The following MID2 variants were observed in gnomAD, a reference collection of about 807,000 sequenced individuals.
MID2 encodes probable E3 ubiquitin-protein ligase MID2.
Under a neutral mutation model 46.1 loss-of-function variants are expected in MID2, and 13 were observed. That is an observed-to-expected ratio of 0.28 (90% CI 0.18 to 0.45). The LOEUF is 0.45. MID2 is among the 20% of genes least tolerant of loss of function. MID2 has a pLI of 1.00. For synonymous variants in MID2, 199 were observed against 212.3 expected (o/e 0.94, Z 0.55); for missense variants, 431 against 575.4 (o/e 0.75, Z 2.57).
chrX:107,888,010 T>G (rs1330106617), intron 3 of MID2, among the ~76,000 whole-genome samples: 6 of 112,003 alleles, frequency 5.4e-5, no homozygotes, highest in Non-Finnish European at 1.1e-4. Context: ...TTGATTCTTC[T>G]CTCTTTTCTT....
At chrX:107,866,643 A>G (rs933720460) in intron 3 of MID2, among the ~76,000 whole-genome samples, 3 of 112,113 alleles carry the variant, frequency 2.7e-5, no homozygotes, top group African/African-American at 9.7e-5. Context: ...ATATAGTAGC[A>G]GGTGTATTAA....
intron 3 of MID2, among the ~76,000 whole-genome samples, chrX:107,891,107 G>A (rs878896646): frequency 2.6e-4 from 28 of 109,669 alleles, no homozygotes; most frequent in East Asian, 8.7e-4. Context: ...CGCTCGGTGC[G>A]CTGCACCCAC....
At chrX:107,843,048 C>T (rs1274555028) in intron 2 of MID2, among the ~76,000 whole-genome samples, 3 of 112,026 alleles carry the variant, frequency 2.7e-5, no homozygotes, top group Non-Finnish European at 5.6e-5. Context: ...CACAACTGTA[C>T]ATTTCGTGGT....
chrX:107,920,062 G>A (rs1474399765), intron 7 of MID2, among the ~76,000 whole-genome samples: 1 of 111,923 alleles, frequency 8.9e-6, no homozygotes, highest in African/African-American at 3.2e-5. Context: ...ACAAGGACAA[G>A]GGCAGAGGCC....
chrX:107,904,105 C>G, intron 4 of MID2, 40 bp downstream of exon 4: 1 of 916,917 alleles, frequency 1.1e-6, no homozygotes, highest in Non-Finnish European at 1.6e-6. Flanking sequence ...GAAGGGTTGA[C>G]TTTACAAATA....
chrX:107,909,770 G>T (rs759526413), intron 5 of MID2, among the ~76,000 whole-genome samples: 2 of 112,661 alleles, frequency 1.8e-5, no homozygotes, highest in African/African-American at 6.4e-5. Context: ...TGACTTCATT[G>T]TCTCCTGGCT....
chrX:107,917,446 T>A, intron 6 of MID2, 60 bp from the exon 7 acceptor site: 1 of 924,365 alleles, frequency 1.1e-6, no homozygotes, highest in Middle Eastern at 3.1e-4. Flanking sequence ...GAGTAACAAT[T>A]GTAAAATTCC....
chrX:107,903,492 A>G (rs73533434), intron 3 of MID2, among the ~76,000 whole-genome samples: 2 of 112,261 alleles, frequency 1.8e-5, no homozygotes, highest in African/African-American at 3.2e-5. Context: ...GTTTAATGAT[A>G]TATTTAATGT....
rs746049126 is a variant in MID2, at chrX:107,929,510, A to G, written c.*2437A>G. Among the ~76,000 whole-genome samples the G allele has an allele frequency of 8.9e-6, 1 of 111,932 alleles. No individual in the cohort carries two copies. Among genetic ancestry groups the G allele is most frequent in the Non-Finnish European group, 1.9e-5 (1 of 53,123 alleles). ...GTTATTCTCTGGGCCTGCAGCAGAA[A>G]CATGATTAACAATTTTAATGCCCAG... is the stretch of plus-strand genomic sequence containing the variant. On this transcript the variant is annotated 3_prime_UTR_variant, in exon 10 of 10. Transcript: ENST00000262843.
intron 7 of MID2, among the ~76,000 whole-genome samples, chrX:107,922,968 A>G (rs1933099230): frequency 8.9e-6 from 1 of 111,833 alleles, no homozygotes. Flanking sequence ...GGCCTCAAAC[A>G]TTGCTCCTAC....
intron 5 of MID2, among the ~76,000 whole-genome samples, chrX:107,914,022 A>G (rs752609997): frequency 8.9e-6 from 1 of 112,322 alleles, no homozygotes; most frequent in African/African-American, 3.2e-5. Flanking sequence ...TACATAGGTC[A>G]TTGGTGAAAA....
chrX:107,840,484 C>G (rs771934119), intron 1 of MID2, among the ~76,000 whole-genome samples, 186 bp from the exon 2 acceptor site: 1 of 112,362 alleles, frequency 8.9e-6, no homozygotes, highest in African/African-American at 3.2e-5. Context: ...TAAACATAGG[C>G]ATTTGTCTAA....
intron 2 of MID2, among the ~76,000 whole-genome samples, chrX:107,847,284 T>C (rs1007391040): frequency 9.0e-6 from 1 of 111,680 alleles, no homozygotes. Flanking sequence ...TTGAACTTAG[T>C]AGGGGAGATA....
intron 1 of MID2, among the ~76,000 whole-genome samples, chrX:107,827,693 C>T (rs1406598383): frequency 9.1e-6 from 1 of 110,177 alleles, no homozygotes; most frequent in African/African-American, 3.3e-5. Context: ...TACTTTTCTT[C>T]TGTTTGGGGA....
intron 3 of MID2, among the ~76,000 whole-genome samples, chrX:107,885,228 C>T (rs1164211724): frequency 9.3e-6 from 1 of 107,337 alleles, no homozygotes; most frequent in Non-Finnish European, 1.9e-5. Flanking sequence ...CCCATTAACT[C>T]GTCATTTACA....
intron 5 of MID2, among the ~76,000 whole-genome samples, chrX:107,912,727 C>T (rs1932910147): frequency 1.8e-5 from 2 of 110,950 alleles, no homozygotes; most frequent in African/African-American, 6.6e-5. Flanking sequence ...TTATGATTCC[C>T]AACTCTTTAT....
chrX:107,890,444 A>G (rs187803624), intron 3 of MID2, among the ~76,000 whole-genome samples: 10 of 112,052 alleles, frequency 8.9e-5, no homozygotes, highest in East Asian at 2.8e-4. Context: ...ATATTGGTGA[A>G]CAGCAGATGT....
intron 2 of MID2, among the ~76,000 whole-genome samples, chrX:107,846,424 C>T (rs949723672): frequency 9.1e-6 from 1 of 110,326 alleles, no homozygotes; most frequent in African/African-American, 3.3e-5. Flanking sequence ...CAGTATCTGA[C>T]AGGTTTCTCA....
chrX:107,926,422 C>A, intron 9 of MID2, 121 bp downstream of exon 9: 1 of 710,854 alleles, frequency 1.4e-6, no homozygotes, highest in Non-Finnish European at 2.0e-6. Context: ...TGATGAAAAC[C>A]ACTCCTAGAA....
Sources: allele counts gnomAD v4.1 joint callset (sites outside exome capture counted in the v4.1 genomes callset), GRCh38; gene constraint gnomAD v4.1.1; transcripts MANE v1.5; gene names NCBI Gene and HGNC (gene_info 2026-07-23, HGNC 2026-07-21).